The following SDK1 variants were observed in gnomAD, a reference collection of about 807,000 sequenced individuals.
SDK1 encodes the protein sidekick cell adhesion molecule 1, also known as protein sidekick-1.
Under a neutral mutation model 245.5 loss-of-function variants are expected in SDK1, and 157 were observed. That is an observed-to-expected ratio of 0.64 (90% CI 0.56 to 0.73). The LOEUF is 0.73. Ranked by LOEUF, SDK1 falls within the 30% of genes least tolerant of loss-of-function variation. The pLI is 0.00. For missense variants in SDK1, 3,583 were observed against 3,002.3 expected, an observed-to-expected ratio of 1.19 and a Z score of -4.52; for synonymous variants, 1,647 against 1,278.5, an observed-to-expected ratio of 1.29 and a Z score of -6.15.
At chr7:4,017,982 T>C (rs1426868801) in intron 17 of SDK1, among the ~76,000 whole-genome samples, 2 of 152,176 alleles carry the variant, frequency 1.3e-5, no homozygotes, top group Non-Finnish European at 2.9e-5. Flanking sequence ...CCTCCGCTGT[T>C]TTCTGAAAGA....
intron 13 of SDK1, among the ~76,000 whole-genome samples, chr7:3,981,836 A>C (rs2128137082): frequency 6.6e-6 from 1 of 152,356 alleles, no homozygotes; most frequent in East Asian, 1.9e-4. Context: ...TCCCCATAAC[A>C]TAAAAGTACA....
At chr7:4,148,983 G>T (rs901108053) in intron 29 of SDK1, among the ~76,000 whole-genome samples, 1 of 152,174 alleles carries the variant, frequency 6.6e-6, no homozygotes, top group African/African-American at 2.4e-5. Flanking sequence ...TTGAACCCAG[G>T]AGACAGAGGT....
intron 4 of SDK1, among the ~76,000 whole-genome samples, chr7:3,748,758 C>G (rs1487147907): frequency 6.6e-6 from 1 of 152,136 alleles, no homozygotes; most frequent in South Asian, 2.1e-4. Flanking sequence ...GAACAAAAAA[C>G]AAATCTTAAA....
chr7:3,696,181 A>G (rs975480327), intron 4 of SDK1, among the ~76,000 whole-genome samples: 4 of 151,804 alleles, frequency 2.6e-5, no homozygotes, highest in African/African-American at 7.3e-5. Flanking sequence ...GCCAACTTAA[A>G]TCTTATTGCC....
At chr7:4,237,805 T>C (rs1234234491) in intron 42 of SDK1, 21 bp downstream of exon 42, 2 of 1,613,328 alleles carry the variant, frequency 1.2e-6, no homozygotes, top group Non-Finnish European at 8.5e-7. Flanking sequence ...AGCCCCTTCC[T>C]CGCGTGTCCC....
At chr7:4,003,166 C>G (rs1785201158) in intron 14 of SDK1, among the ~76,000 whole-genome samples, 2 of 152,278 alleles carry the variant, frequency 1.3e-5, no homozygotes, top group South Asian at 4.1e-4. Context: ...CATGTGGACA[C>G]ATACACACAG....
intron 4 of SDK1, among the ~76,000 whole-genome samples, chr7:3,661,630 G>C (rs558125368): frequency 5.9e-5 from 9 of 152,122 alleles, no homozygotes; most frequent in African/African-American, 2.2e-4. Flanking sequence ...TAAATTCTTA[G>C]TGTGAAATGC....
chr7:3,587,188 G>A (rs773388619), intron 1 of SDK1, among the ~76,000 whole-genome samples: 9 of 152,150 alleles, frequency 5.9e-5, no homozygotes, highest in South Asian at 2.1e-4. Flanking sequence ...AGAATTTAGC[G>A]GTCAATTTGA....
intron 1 of SDK1, chr7:3,475,935 C>CG (rs1781336121): frequency 6.6e-6 from 1 of 152,578 alleles, no homozygotes; most frequent in Non-Finnish European, 1.5e-5. Context: ...CTTTAAAATT[C>CG]TGTTAGCATT....
chr7:3,393,421 A>G (rs557140079), intron 1 of SDK1, among the ~76,000 whole-genome samples: 15 of 152,220 alleles, frequency 9.9e-5, no homozygotes, highest in African/African-American at 3.6e-4. Context: ...GAGAGTTCCA[A>G]CTTTTTTACA....
At chr7:3,931,770 G>A (rs565258403) in intron 5 of SDK1, among the ~76,000 whole-genome samples, 1 of 152,262 alleles carries the variant, frequency 6.6e-6, no homozygotes, top group East Asian at 1.9e-4. Flanking sequence ...TACTTCTTAT[G>A]TATGAGTTTT....
intron 4 of SDK1, among the ~76,000 whole-genome samples, chr7:3,797,280 T>A (rs749992496): frequency 6.6e-6 from 1 of 152,082 alleles, no homozygotes; most frequent in Non-Finnish European, 1.5e-5. Context: ...GCCACACCCG[T>A]CCCATATATA....
intron 1 of SDK1, among the ~76,000 whole-genome samples, chr7:3,399,586 T>TTG (rs1260156123): frequency 6.6e-6 from 1 of 152,168 alleles, no homozygotes; most frequent in Non-Finnish European, 1.5e-5. Flanking sequence ...TATCATCCTG[T>TTG]TGATAAGGCT....
chr7:3,383,420 C>T (rs1781538285), intron 1 of SDK1, among the ~76,000 whole-genome samples: 1 of 152,102 alleles, frequency 6.6e-6, no homozygotes, highest in Non-Finnish European at 1.5e-5. Flanking sequence ...ATTAAAAAAA[C>T]ACATGGGGTG....
intron 28 of SDK1, among the ~76,000 whole-genome samples, chr7:4,139,691 A>ATG (rs751924002): frequency 1.8e-5 from 2 of 110,522 alleles, no homozygotes; most frequent in South Asian, 6.5e-4. Context: ...GTGTGTGTGT[A>ATG]TGTGTGTGTG....
At chr7:3,329,979 A>G (rs1294846486) in intron 1 of SDK1, among the ~76,000 whole-genome samples, 3 of 152,214 alleles carry the variant, frequency 2.0e-5, no homozygotes, top group Admixed American at 1.3e-4. Context: ...TTTGGTATGC[A>G]TAGGAGGTCC....
At chr7:3,916,100 T>A (rs1583559072) in intron 5 of SDK1, among the ~76,000 whole-genome samples, 1 of 152,160 alleles carries the variant, frequency 6.6e-6, no homozygotes, top group East Asian at 1.9e-4. Context: ...CAAAGAGGGT[T>A]TTTGGAACTT....
chr7:4,123,015 G>A (rs1005226692), intron 25 of SDK1, among the ~76,000 whole-genome samples: 1 of 152,188 alleles, frequency 6.6e-6, no homozygotes, highest in Non-Finnish European at 1.5e-5. Context: ...GTTGGTGTCC[G>A]AATTGCTGCA....
At chr7:3,796,984 T>C (rs1383266781) in intron 4 of SDK1, among the ~76,000 whole-genome samples, 1 of 151,956 alleles carries the variant, frequency 6.6e-6, no homozygotes, top group Non-Finnish European at 1.5e-5. Flanking sequence ...TTTTTTTCCT[T>C]TTCTTTTTCT....
Sources: gnomAD v4.1 joint callset for allele counts (sites outside exome capture counted in the v4.1 genomes callset) on GRCh38, gnomAD v4.1.1 for gene constraint, MANE v1.5 for transcripts, NCBI Gene and HGNC (gene_info 2026-07-23, HGNC 2026-07-21) for gene names.